The following SH3PXD2A variants were observed in gnomAD, a reference collection of about 807,000 sequenced individuals.
SH3PXD2A encodes the protein SH3 and PX domains 2A.
In SH3PXD2A, 32 loss-of-function variants were observed where a neutral mutation model predicts 115.2. The ratio of observed to expected loss-of-function variants is 0.28; its 90% confidence interval spans 0.21 to 0.37. The LOEUF is 0.37. SH3PXD2A is among the 10% of genes least tolerant of loss of function. The probability of loss-of-function intolerance (pLI) is 1.00; values close to 1 mark genes in which losing one functional copy is unlikely to be tolerated. For synonymous variants in SH3PXD2A, 610 were observed against 629.1 expected, an observed-to-expected ratio of 0.97 and a Z score of 0.45; for missense variants, 1,328 against 1,498.7, an observed-to-expected ratio of 0.89 and a Z score of 1.88.
chr10:103,695,712 G>C (rs1564866203), intron 5 of SH3PXD2A, among the ~76,000 whole-genome samples: 1 of 152,176 alleles, frequency 6.6e-6, no homozygotes, highest in African/African-American at 2.4e-5. Flanking sequence ...GGATTCTGAG[G>C]CTGCTCCAGT....
At chr10:103,853,800 T>A (rs1177868390) in intron 1 of SH3PXD2A, among the ~76,000 whole-genome samples, 3 of 152,188 alleles carry the variant, frequency 2.0e-5, no homozygotes, top group Non-Finnish European at 4.4e-5. Flanking sequence ...AAACTTAGCC[T>A]GCAACATTTG....
chr10:103,751,590 C>T (rs930093391), intron 3 of SH3PXD2A, among the ~76,000 whole-genome samples: 7 of 152,180 alleles, frequency 4.6e-5, no homozygotes, highest in South Asian at 2.1e-4. Flanking sequence ...AAATGAGATA[C>T]GGTTCTTGCT....
intron 1 of SH3PXD2A, among the ~76,000 whole-genome samples, chr10:103,826,315 G>T (rs984638935): frequency 6.6e-6 from 1 of 152,090 alleles, no homozygotes; most frequent in Non-Finnish European, 1.5e-5. Context: ...AGGATACTTG[G>T]GCTCAGAGAG....
At chr10:103,795,912 A>AAGGAAGGAAGGAAGGAAGGAAGGAAGGC (rs2039081923) in intron 2 of SH3PXD2A, among the ~76,000 whole-genome samples, 1 of 104,948 alleles carries the variant, frequency 9.5e-6, no homozygotes, top group African/African-American at 3.3e-5. Context: ...AAAAGGAAGG[A>AAGGAAGGAAGGAAGGAAGGAAGGAAGGC]AGGAAGGAAG....
intron 3 of SH3PXD2A, chr10:103,745,933 A>G (rs1312763418): frequency 2.0e-5 from 3 of 151,314 alleles, no homozygotes; most frequent in Non-Finnish European, 4.4e-5. Flanking sequence ...CCGCTCCAGC[A>G]CTCCCCACTC....
chr10:103,755,006 T>G (rs1183925324), intron 3 of SH3PXD2A: 1 of 152,210 alleles, frequency 6.6e-6, no homozygotes, highest in Non-Finnish European at 1.5e-5. Context: ...CTGTGCATGT[T>G]AAAATGCAGA....
rs545890868 is a variant in SH3PXD2A, at chr10:103,640,178, A to G, written c.605-12976T>C. On this transcript the variant is annotated intron_variant, in intron 8 of 14. Transcript: ENST00000369774. ...AAAAATACAAAAATTAGCCAGGTGT[A>G]GTGGCACATGCCTGTAATCCCAGCC... Among the ~76,000 whole-genome samples, 14 of 152,206 alleles carry G rather than the reference A, an allele frequency of 9.2e-5. No individual in the cohort carries two copies. In the East Asian group the frequency reaches 1.5e-3, roughly 17 times the overall value.
chr10:103,660,964 CATTGG>C lies in SH3PXD2A; in HGVS notation c.604+14_604+18del. ...CCAGACCGGAACCCCAGTGGACGGC[CATTGG>C]CCAGGGCACTCACCGCTCTCGTTCT... On this transcript the variant is annotated intron_variant, in intron 8 of 14. Transcript: ENST00000369774. The C allele has an allele frequency of 6.2e-7, 1 of 1,613,346 alleles. No homozygotes were observed. Among genetic ancestry groups the C allele is most frequent in the Non-Finnish European group, 8.5e-7 (1 of 1,179,554 alleles).
intron 8 of SH3PXD2A, among the ~76,000 whole-genome samples, chr10:103,643,746 G>A (rs2036989933): frequency 1.3e-5 from 2 of 152,128 alleles, no homozygotes; most frequent in Non-Finnish European, 2.9e-5. Flanking sequence ...TGCTGTGTCC[G>A]CCCAGCACAT....
chr10:103,717,447 G>A (rs1193512122), intron 5 of SH3PXD2A, among the ~76,000 whole-genome samples: 4 of 152,168 alleles, frequency 2.6e-5, no homozygotes, highest in African/African-American at 9.7e-5. Context: ...GTTCCAGAGC[G>A]AGTGGGGAGG....
chr10:103,745,223 CA>C (rs2038488440), intron 3 of SH3PXD2A, among the ~76,000 whole-genome samples: 1 of 152,236 alleles, frequency 6.6e-6, no homozygotes, highest in Non-Finnish European at 1.5e-5. Flanking sequence ...GAAAAGACAG[CA>C]AAGCTGAGGG....
At chr10:103,624,589 G>A (rs1207441298) in intron 9 of SH3PXD2A, among the ~76,000 whole-genome samples, 2 of 152,190 alleles carry the variant, frequency 1.3e-5, no homozygotes, top group Admixed American at 1.3e-4. Flanking sequence ...ACATCAAAGT[G>A]TCTCATGATA....
rs2038640084 is a variant in SH3PXD2A at position 103,756,301 on chromosome 10, T to G, written c.229+10793A>C. Among the ~76,000 whole-genome samples the G allele has an allele frequency of 6.6e-6, 1 of 152,204 alleles. No homozygotes were observed. Among genetic ancestry groups the G allele is most frequent in the African/African-American group, 2.4e-5 (1 of 41,462 alleles). On this transcript the variant is annotated intron_variant, in intron 3 of 14. Transcript: ENST00000369774. This position sits in a 1 kb window ranked among gnomAD's most constrained non-coding sequence, Gnocchi z 4.4. ...TGGCTTGGGGCTTTGTCCTTGGGCC[T>G]GGGTCCAGTTGGAGTGACCCAGGAG...
At chr10:103,681,996 A>G (rs2037616810) in intron 6 of SH3PXD2A, among the ~76,000 whole-genome samples, 1 of 152,224 alleles carries the variant, frequency 6.6e-6, no homozygotes, top group Non-Finnish European at 1.5e-5. Flanking sequence ...GGGAATCTGT[A>G]TTTCAATGAG....
At chr10:103,667,667 G>A (rs756407424) in intron 7 of SH3PXD2A, among the ~76,000 whole-genome samples, 4 of 152,160 alleles carry the variant, frequency 2.6e-5, no homozygotes, top group Non-Finnish European at 5.9e-5. Context: ...TAAACACTGG[G>A]GCTGGCCCAG....
intron 2 of SH3PXD2A, among the ~76,000 whole-genome samples, chr10:103,769,090 G>T (rs373403204): frequency 6.6e-6 from 1 of 151,620 alleles, no homozygotes; most frequent in Non-Finnish European, 1.5e-5. Flanking sequence ...ATAAGACTTG[G>T]GGGGAACAAA....
At chr10:103,633,175 TG>T (rs1334022681) in intron 8 of SH3PXD2A, among the ~76,000 whole-genome samples, 1 of 152,176 alleles carries the variant, frequency 6.6e-6, no homozygotes, top group African/African-American at 2.4e-5. Flanking sequence ...CCCAGCACTT[TG>T]GGATCCAGGC....
At chr10:103,826,585 G>C (rs902721330) in intron 1 of SH3PXD2A, among the ~76,000 whole-genome samples, 2 of 152,186 alleles carry the variant, frequency 1.3e-5, no homozygotes, top group Non-Finnish European at 2.9e-5. Context: ...GAGGATCCCA[G>C]GATTCTGATG....
chr10:103,817,761 C>T (rs1449096580), intron 1 of SH3PXD2A, among the ~76,000 whole-genome samples: 4 of 152,204 alleles, frequency 2.6e-5, no homozygotes, highest in African/African-American at 7.2e-5. Context: ...CTGATACATG[C>T]TACAACATGG....
Sources: allele counts gnomAD v4.1 joint callset (sites outside exome capture counted in the v4.1 genomes callset), GRCh38; gene constraint gnomAD v4.1.1; non-coding constraint Gnocchi (gnomAD v3.1); transcripts MANE v1.5; gene names NCBI Gene and HGNC (gene_info 2026-07-23, HGNC 2026-07-21).